The following ZDHHC14 variants were observed in gnomAD, a reference collection of about 807,000 sequenced individuals.
ZDHHC14 encodes the protein palmitoyltransferase ZDHHC14.
In ZDHHC14, 16 loss-of-function variants were observed where a neutral mutation model predicts 47.7. The observed-to-expected ratio is 0.34, with a 90% CI of 0.23 to 0.51. The LOEUF (loss-of-function observed/expected upper bound fraction) is 0.51, where lower values mean the gene tolerates loss of function less well. ZDHHC14 is among the 20% of genes least tolerant of loss of function. The probability of loss-of-function intolerance (pLI) is 0.97; values close to 1 mark genes in which losing one functional copy is unlikely to be tolerated. For synonymous variants in ZDHHC14, 293 were observed against 278.9 expected, an observed-to-expected ratio of 1.05 and a Z score of -0.50; for missense variants, 515 against 662.5, an observed-to-expected ratio of 0.78 and a Z score of 2.44.
At chr6:157,474,984 A>G (rs1177673913) in intron 1 of ZDHHC14, among the ~76,000 whole-genome samples, 2 of 152,264 alleles carry the variant, frequency 1.3e-5, no homozygotes, top group South Asian at 2.1e-4. Context: ...CCAGATCATT[A>G]TCATGGAGCT....
At chr6:157,635,886 A>T (rs1194390078) in intron 5 of ZDHHC14, among the ~76,000 whole-genome samples, 2 of 152,220 alleles carry the variant, frequency 1.3e-5, no homozygotes, top group Non-Finnish European at 2.9e-5. Context: ...GATGGAGGTA[A>T]AGAGTTTTCC....
At chr6:157,664,849 C>T (rs528970436) in intron 8 of ZDHHC14, among the ~76,000 whole-genome samples, 2 of 152,188 alleles carry the variant, frequency 1.3e-5, no homozygotes, top group East Asian at 3.9e-4. Context: ...CCCAGCGCAA[C>T]CCTTGCCTAC....
At chr6:157,604,013 GA>G (rs1020102335) in intron 3 of ZDHHC14, among the ~76,000 whole-genome samples, 2 of 152,168 alleles carry the variant, frequency 1.3e-5, no homozygotes, top group African/African-American at 2.4e-5. Context: ...TATACTAAGA[GA>G]AAAAATTATG....
At chr6:157,542,508 G>T in intron 1 of ZDHHC14, 77 bp from the exon 2 acceptor site, 1 of 1,507,828 alleles carries the variant, frequency 6.6e-7, no homozygotes, top group Non-Finnish European at 8.9e-7. Flanking sequence ...AGAAGATAAA[G>T]ACTGCTTACT....
At chr6:157,575,563 C>T (rs553889702) in intron 2 of ZDHHC14, among the ~76,000 whole-genome samples, 2 of 152,260 alleles carry the variant, frequency 1.3e-5, no homozygotes, top group African/African-American at 4.8e-5. Flanking sequence ...ACACAAGCTG[C>T]CCCCTGTGCC....
Position 157,553,862 on chromosome 6 carries a change from G to A in ZDHHC14, c.406+11117G>A, listed in dbSNP as rs937612129. Among the ~76,000 whole-genome samples the A allele has an allele frequency of 2.5e-4, 38 of 152,314 alleles. No individual in the cohort carries two copies. In the Middle Eastern group the frequency reaches 0.014, roughly 55 times the overall value. On this transcript the variant is annotated intron_variant, in intron 2 of 8. Coordinates refer to ENST00000359775, the MANE Select transcript of ZDHHC14 (RefSeq NM_024630.3). ...ATGGGCAGCACTCAGAGCCTAGCGG[G>A]TACTTAGAGAGAGGACAGGGAAAGC...
At chr6:157,409,980 C>T (rs1009439253) in intron 1 of ZDHHC14, among the ~76,000 whole-genome samples, 1 of 152,206 alleles carries the variant, frequency 6.6e-6, no homozygotes, top group Non-Finnish European at 1.5e-5. Context: ...AGGCACATGC[C>T]ACCATCACGC....
intron 3 of ZDHHC14, among the ~76,000 whole-genome samples, chr6:157,616,386 A>G (rs1172547135): frequency 2.0e-5 from 3 of 152,150 alleles, no homozygotes; most frequent in African/African-American, 7.2e-5. Context: ...GATTGCAGGG[A>G]GCTTGATGAC....
intron 1 of ZDHHC14, among the ~76,000 whole-genome samples, chr6:157,479,785 A>T (rs1177540519): frequency 1.3e-5 from 2 of 152,256 alleles, no homozygotes; most frequent in Non-Finnish European, 2.9e-5. Flanking sequence ...GGCCTGCCCA[A>T]GTGGACACTT....
chr6:157,522,987 T>TTC (rs1562461116), intron 1 of ZDHHC14, among the ~76,000 whole-genome samples: 53 of 35,428 alleles, frequency 1.5e-3, no homozygotes, highest in African/African-American at 8.8e-3. Flanking sequence ...TTTCTTTTTC[T>TTC]TTTCTTTTCT....
intron 1 of ZDHHC14, among the ~76,000 whole-genome samples, chr6:157,397,332 C>G (rs539929699): frequency 6.6e-6 from 1 of 152,338 alleles, no homozygotes; most frequent in Non-Finnish European, 1.5e-5. Context: ...ATCTTACAGT[C>G]TGTACATCAG....
intron 1 of ZDHHC14, among the ~76,000 whole-genome samples, chr6:157,402,925 G>A (rs1777674133): frequency 1.3e-5 from 2 of 152,112 alleles, no homozygotes; most frequent in Non-Finnish European, 2.9e-5. Flanking sequence ...AGTATAGATG[G>A]CATTTCACCA....
At chr6:157,572,681 TC>T (rs1369430836) in intron 2 of ZDHHC14, among the ~76,000 whole-genome samples, 3 of 135,780 alleles carry the variant, frequency 2.2e-5, no homozygotes, top group Non-Finnish European at 4.6e-5. Context: ...TGTGTGATGT[TC>T]CCCTTCATGG....
intron 1 of ZDHHC14, among the ~76,000 whole-genome samples, chr6:157,469,043 T>C (rs1412777815): frequency 6.6e-6 from 1 of 152,196 alleles, no homozygotes; most frequent in Non-Finnish European, 1.5e-5. Context: ...CTCATCTCTC[T>C]GGGACAAGAT....
Position 157,381,448 on chromosome 6 carries a change from C to T in ZDHHC14, c.-574C>T. On this transcript the variant is annotated 5_prime_UTR_variant, in exon 1 of 9. Coordinates refer to ENST00000359775, the MANE Select transcript of ZDHHC14 (RefSeq NM_024630.3). The stretch of plus-strand genomic sequence containing the variant: ...GAAAAACGTGCGTGGTTGTCCCCAC[C>T]CCTGGGAGGGGTTGCCGGTGCCGCG... 1 of 322,314 alleles carries T rather than the reference C, an allele frequency of 3.1e-6. No individual in the cohort carries two copies. The allele number at this position is 322,314 out of a possible 1,614,324, so 20.0% of individuals were successfully genotyped here.
intron 5 of ZDHHC14, among the ~76,000 whole-genome samples, chr6:157,640,966 C>CAT (rs1777219591): frequency 1.3e-5 from 2 of 152,210 alleles, no homozygotes; most frequent in South Asian, 4.1e-4. Context: ...GCATCATACA[C>CAT]ATATGCTGAT....
intron 1 of ZDHHC14, among the ~76,000 whole-genome samples, chr6:157,406,689 G>T (rs1777772878): frequency 6.6e-6 from 1 of 152,198 alleles, no homozygotes; most frequent in East Asian, 1.9e-4. Flanking sequence ...CCCTCTGCTG[G>T]AAAAATTTCA....
chr6:157,466,052 AAAAG>A (rs1346804594), intron 1 of ZDHHC14, among the ~76,000 whole-genome samples: 1 of 152,054 alleles, frequency 6.6e-6, no homozygotes, highest in Non-Finnish European at 1.5e-5. Context: ...AAAGAAAAAA[AAAAG>A]AGAGAGAGAG....
At chr6:157,566,468 C>T (rs984118487) in intron 2 of ZDHHC14, among the ~76,000 whole-genome samples, 9 of 152,140 alleles carry the variant, frequency 5.9e-5, no homozygotes, top group African/African-American at 2.2e-4. Context: ...TCCAGAGATC[C>T]CATTGCTAGA....
Sources: gnomAD v4.1 joint callset for allele counts (sites outside exome capture counted in the v4.1 genomes callset) on GRCh38, gnomAD v4.1.1 for gene constraint, MANE v1.5 for transcripts, NCBI Gene and HGNC (gene_info 2026-07-23, HGNC 2026-07-21) for gene names.